Variants in GLIS3 observed in about 807,000 individuals in gnomAD.
The protein encoded by GLIS3 is GLIS family zinc finger 3.
Under a neutral mutation model 78.6 loss-of-function variants are expected in GLIS3, and 53 were observed. The observed-to-expected ratio is 0.67, with a 90% CI of 0.54 to 0.85. The LOEUF (loss-of-function observed/expected upper bound fraction) is 0.85. Ranked by LOEUF, GLIS3 falls within the 40% of genes least tolerant of loss-of-function variation. The probability of loss-of-function intolerance (pLI) is 0.00; values close to 1 mark genes in which losing one functional copy is unlikely to be tolerated. For missense variants in GLIS3, 1,703 were observed against 1,231.1 expected, an observed-to-expected ratio of 1.38 and a Z score of -5.74; for synonymous variants, 684 against 509.9, an observed-to-expected ratio of 1.34 and a Z score of -4.60.
chr9:4,270,825 T>G (rs893102364), intron 2 of GLIS3, among the ~76,000 whole-genome samples: 78 of 152,190 alleles, frequency 5.1e-4, no homozygotes, highest in Admixed American at 4.3e-3. Flanking sequence ...GTAAGACTTC[T>G]CAGCCTCCTT....
intron 4 of GLIS3, among the ~76,000 whole-genome samples, chr9:4,062,015 T>A (rs979181275): frequency 6.6e-6 from 1 of 152,330 alleles, no homozygotes; most frequent in African/African-American, 2.4e-5. Flanking sequence ...TCACTTCATT[T>A]ACCCAAGATT....
intron 2 of GLIS3, among the ~76,000 whole-genome samples, chr9:4,131,794 T>C (rs1017010351): frequency 3.3e-5 from 5 of 152,188 alleles, no homozygotes; most frequent in Non-Finnish European, 5.9e-5. Flanking sequence ...GTTGTGCATC[T>C]AGTATTAACA....
chr9:4,284,450 G>T (rs1006026442), intron 2 of GLIS3, among the ~76,000 whole-genome samples: 14 of 152,204 alleles, frequency 9.2e-5, no homozygotes, highest in African/African-American at 3.4e-4. Context: ...TAACAGGAGG[G>T]AACTTAACTT....
At chr9:4,211,314 A>T (rs114204943) in intron 2 of GLIS3, among the ~76,000 whole-genome samples, 75 of 152,332 alleles carry the variant, frequency 4.9e-4, no homozygotes, top group African/African-American at 1.8e-3. Context: ...TTCTCACTGG[A>T]TGGCTGTCAA....
At chr9:3,879,917 GT>G (rs770410841) in intron 7 of GLIS3, among the ~76,000 whole-genome samples, 7 of 152,080 alleles carry the variant, frequency 4.6e-5, no homozygotes, top group Non-Finnish European at 1.0e-4. Context: ...CAAGGTCTCT[GT>G]ATTAGCACTT....
chr9:3,919,445 G>A (rs1426079278), intron 6 of GLIS3, among the ~76,000 whole-genome samples: 3 of 152,040 alleles, frequency 2.0e-5, no homozygotes, highest in Non-Finnish European at 4.4e-5. Flanking sequence ...AGAACACATG[G>A]AGACATATAG....
At chr9:4,009,380 G>T (rs544778770) in intron 4 of GLIS3, among the ~76,000 whole-genome samples, 94 of 152,252 alleles carry the variant, frequency 6.2e-4, no homozygotes, top group Non-Finnish European at 1.2e-3. Flanking sequence ...ACACCACCAG[G>T]ACACGTGTAA....
At chr9:3,858,440 T>A (rs920790641) in intron 8 of GLIS3, among the ~76,000 whole-genome samples, 1 of 152,158 alleles carries the variant, frequency 6.6e-6, no homozygotes, top group African/African-American at 2.4e-5. Flanking sequence ...GAAAAAAATA[T>A]GATAGGTACA....
Position 4,132,577 on chromosome 9 carries a change from C to T in GLIS3, c.389-6636G>A, listed in dbSNP as rs902326209. ...TAACGTTATTGTTCGTTATCTGACA[C>T]TTATCAAATGCCAACCACTAGCCAG... On this transcript the variant is annotated intron_variant, in intron 2 of 10. Transcript: ENST00000381971. Among the ~76,000 whole-genome samples, 7 of 151,970 alleles carry T rather than the reference C, an allele frequency of 4.6e-5. No individual in the cohort carries two copies. In the East Asian group the frequency reaches 9.7e-4, roughly 21 times the overall value.
chr9:4,044,827 T>A (rs2130403986), intron 4 of GLIS3, among the ~76,000 whole-genome samples: 1 of 152,320 alleles, frequency 6.6e-6, no homozygotes, highest in East Asian at 1.9e-4. Flanking sequence ...TTTGGGCAGA[T>A]CCATTCCTAA....
intron 2 of GLIS3, among the ~76,000 whole-genome samples, chr9:4,131,485 G>A (rs1371259338): frequency 6.6e-6 from 1 of 152,114 alleles, no homozygotes; most frequent in Non-Finnish European, 1.5e-5. Flanking sequence ...GAATGGTTTG[G>A]CACTGTCCCT....
At chr9:4,257,989 CTAATA>C (rs1825142519) in intron 2 of GLIS3, among the ~76,000 whole-genome samples, 1 of 152,020 alleles carries the variant, frequency 6.6e-6, no homozygotes. Context: ...TTCTACCAAG[CTAATA>C]TTATATAAAA....
At chr9:3,852,860 G>C (rs1481971277) in intron 9 of GLIS3, among the ~76,000 whole-genome samples, 2 of 152,094 alleles carry the variant, frequency 1.3e-5, no homozygotes, top group East Asian at 1.9e-4. Flanking sequence ...CTTATTTTTA[G>C]GGCTGATATT....
chr9:4,136,165 T>G (rs910203160), intron 2 of GLIS3, among the ~76,000 whole-genome samples: 9 of 152,182 alleles, frequency 5.9e-5, no homozygotes, highest in Admixed American at 5.9e-4. Flanking sequence ...TATAACATCC[T>G]ACCTCCATGG....
intron 2 of GLIS3, among the ~76,000 whole-genome samples, chr9:4,235,139 AT>A (rs67861232): frequency 4.0e-5 from 6 of 149,392 alleles, no homozygotes; most frequent in African/African-American, 1.5e-4. Flanking sequence ...TCTACTAAAA[AT>A]TTAAAAAAAA....
chr9:4,376,697 G>A, the GLIS3 span, among the ~76,000 whole-genome samples: 1 of 131,368 alleles, frequency 7.6e-6, no homozygotes, highest in Non-Finnish European at 1.7e-5. Flanking sequence ...TCAACCTATT[G>A]TAATCAAATA....
intron 9 of GLIS3, among the ~76,000 whole-genome samples, chr9:3,851,505 ACCTGAGCTCTGGT>A (rs1819430094): frequency 1.3e-5 from 2 of 152,214 alleles, no homozygotes; most frequent in African/African-American, 4.8e-5. Flanking sequence ...GAGTCAACAA[ACCTGAGCTCTGGT>A]CCTGGGTCAT....
chr9:4,147,340 T>A (rs1834303762), intron 2 of GLIS3: 1 of 152,212 alleles, frequency 6.6e-6, no homozygotes, highest in Non-Finnish European at 1.5e-5. Context: ...AGCAAAAGCA[T>A]CTCATGCTTA....
chr9:4,445,347 CCA>C, the GLIS3 span, among the ~76,000 whole-genome samples: 18 of 152,176 alleles, frequency 1.2e-4, no homozygotes, highest in African/African-American at 4.1e-4. Context: ...TTCGTCCAGG[CCA>C]GGTGTGGTGG....
Sources: gnomAD v4.1 joint callset for allele counts (sites outside exome capture counted in the v4.1 genomes callset) on GRCh38, gnomAD v4.1.1 for gene constraint, MANE v1.5 for transcripts, NCBI Gene and HGNC (gene_info 2026-07-23, HGNC 2026-07-21) for gene names.